The following SUGCT variants were observed in gnomAD, a reference collection of about 807,000 sequenced individuals.
SUGCT encodes succinyl-CoA:glutarate-CoA transferase, also known as succinyl-CoA:glutarate CoA-transferase.
A neutral mutation model predicts 55.0 loss-of-function variants in SUGCT; 41 were observed. The ratio of observed to expected loss-of-function variants is 0.74; its 90% CI spans 0.58 to 0.97. The LOEUF (loss-of-function observed/expected upper bound fraction) is 0.97, where lower values mean the gene tolerates loss of function less well. Among genes scored for constraint, SUGCT ranks in the 50% least tolerant of loss-of-function variants. The pLI, the probability that SUGCT is intolerant of heterozygous loss-of-function variation, is 0.00. For missense variants in SUGCT, 568 were observed against 547.8 expected (o/e 1.04, Z -0.37); for synonymous variants, 187 against 200.4 (o/e 0.93, Z 0.56).
At chr7:40,390,572 T>C (rs2151300309) in intron 9 of SUGCT, among the ~76,000 whole-genome samples, 1 of 152,166 alleles carries the variant, frequency 6.6e-6, no homozygotes, top group South Asian at 2.1e-4. Flanking sequence ...GGAATCCAAA[T>C]TACAAGGGAT....
chr7:40,723,034 A>G (rs1282003067), intron 12 of SUGCT, among the ~76,000 whole-genome samples: 3 of 152,170 alleles, frequency 2.0e-5, no homozygotes, highest in Admixed American at 6.6e-5. Flanking sequence ...CAGAGTTTTC[A>G]TGAACATTTT....
chr7:40,367,945 C>T (rs983508248), intron 9 of SUGCT, among the ~76,000 whole-genome samples: 1 of 152,124 alleles, frequency 6.6e-6, no homozygotes, highest in Non-Finnish European at 1.5e-5. Flanking sequence ...TCATGGCACT[C>T]CAGGCAAACC....
At chr7:40,530,523 T>C (rs1231856725) in intron 12 of SUGCT, among the ~76,000 whole-genome samples, 1 of 152,236 alleles carries the variant, frequency 6.6e-6, no homozygotes, top group Non-Finnish European at 1.5e-5. Flanking sequence ...TCAGTATGCA[T>C]GTTTCATGGG....
intron 13 of SUGCT, among the ~76,000 whole-genome samples, chr7:40,819,096 T>C (rs1791837785): frequency 6.6e-6 from 1 of 152,094 alleles, no homozygotes; most frequent in Non-Finnish European, 1.5e-5. Context: ...AATCCTTTTT[T>C]ATGGCTGCAT....
At chr7:40,724,379 C>T (rs371021732) in intron 12 of SUGCT, among the ~76,000 whole-genome samples, 32 of 151,728 alleles carry the variant, frequency 2.1e-4, no homozygotes, top group Middle Eastern at 6.8e-3. Context: ...TCCTGGCTAA[C>T]GTGGTGAAAC....
chr7:40,984,056 C>T, the SUGCT span, among the ~76,000 whole-genome samples: 1 of 152,036 alleles, frequency 6.6e-6, no homozygotes, highest in Non-Finnish European at 1.5e-5. Context: ...AGGTTCAGAG[C>T]CCCAGTGGAA....
rs373078317 is a variant in SUGCT, at chr7:40,274,632, T to C, written c.696T>C (p.Ile232=). 9 of 1,613,724 alleles carry C rather than the reference T, an allele frequency of 5.6e-6. No individual in the cohort carries two copies. In the East Asian group the frequency reaches 1.3e-4, roughly 24 times the overall value. The change falls in exon 8 of 14, where the codon ATT becomes ATC. Residue 232 remains isoleucine, a synonymous_variant. Coordinates refer to ENST00000335693, the MANE Select transcript of SUGCT (RefSeq NM_001193313.2). ...QKYKTGKGLF[I]DCNLLSSQVA... ...ACAAAACTGGGAAAGGACTGTTCAT[T>C]GATTGTAACCTACTGTCATCCCAGG...
At chr7:41,027,920 G>A in the SUGCT span, among the ~76,000 whole-genome samples, 2 of 152,182 alleles carry the variant, frequency 1.3e-5, no homozygotes, top group South Asian at 2.1e-4. Flanking sequence ...CCCAGCAGAC[G>A]CCATACCTTC....
chr7:40,430,959 A>C (rs976355326), intron 9 of SUGCT, among the ~76,000 whole-genome samples: 1 of 152,004 alleles, frequency 6.6e-6, no homozygotes, highest in Non-Finnish European at 1.5e-5. Flanking sequence ...TATTAAAATA[A>C]ATACAAAAAT....
intron 12 of SUGCT, among the ~76,000 whole-genome samples, chr7:40,690,722 A>C (rs555796720): frequency 1.3e-5 from 2 of 152,012 alleles, no homozygotes; most frequent in Non-Finnish European, 2.9e-5. Flanking sequence ...GCACGTGCCA[A>C]GATGCCTGAC....
the SUGCT span, chr7:40,965,469 A>C: frequency 2.6e-5 from 4 of 152,212 alleles, no homozygotes; most frequent in Non-Finnish European, 5.9e-5. Context: ...AGGCAGAGTT[A>C]TATATTAATA....
chr7:40,147,322 C>A (rs1332357255), intron 1 of SUGCT, among the ~76,000 whole-genome samples: 2 of 152,146 alleles, frequency 1.3e-5, no homozygotes, highest in East Asian at 1.9e-4. Context: ...TTCAACCCCC[C>A]CATCATGGGG....
intron 12 of SUGCT, among the ~76,000 whole-genome samples, chr7:40,548,877 A>C (rs1046358645): frequency 5.9e-5 from 9 of 152,112 alleles, no homozygotes; most frequent in African/African-American, 2.2e-4. Flanking sequence ...ATGTCTTCTT[A>C]TCTATTTATT....
At chr7:40,607,023 A>G (rs1320281112) in intron 12 of SUGCT, among the ~76,000 whole-genome samples, 1 of 152,150 alleles carries the variant, frequency 6.6e-6, no homozygotes, top group Non-Finnish European at 1.5e-5. Context: ...TGTAGAGATC[A>G]TGTTGTAAAA....
chr7:40,383,632 A>G (rs1784977629), intron 9 of SUGCT, among the ~76,000 whole-genome samples: 1 of 152,230 alleles, frequency 6.6e-6, no homozygotes, highest in Non-Finnish European at 1.5e-5. Context: ...AGATGTCAAT[A>G]GAAAAATATA....
chr7:40,802,157 A>G (rs1790853756), intron 13 of SUGCT, among the ~76,000 whole-genome samples: 1 of 152,226 alleles, frequency 6.6e-6, no homozygotes, highest in South Asian at 2.1e-4. Flanking sequence ...CTCACTGGGA[A>G]CATTATGGAA....
At chr7:40,358,448 C>T (rs575913216) in intron 9 of SUGCT, among the ~76,000 whole-genome samples, 4 of 152,296 alleles carry the variant, frequency 2.6e-5, no homozygotes, top group South Asian at 2.1e-4. Flanking sequence ...CGCAGTGGCT[C>T]ATGCCTGTAA....
the SUGCT span, among the ~76,000 whole-genome samples, chr7:40,949,709 G>A: frequency 6.6e-6 from 1 of 152,136 alleles, no homozygotes; most frequent in African/African-American, 2.4e-5. Flanking sequence ...TATTAAATAG[G>A]GAATCCTTTC....
chr7:40,171,822 G>A (rs1784684435), intron 1 of SUGCT, among the ~76,000 whole-genome samples: 1 of 152,206 alleles, frequency 6.6e-6, no homozygotes, highest in South Asian at 2.1e-4. Flanking sequence ...CTACGCCCTT[G>A]TTTACACTGA....
Sources: allele counts gnomAD v4.1 joint callset (sites outside exome capture counted in the v4.1 genomes callset), GRCh38; gene constraint gnomAD v4.1.1; transcripts MANE v1.5; gene names NCBI Gene and HGNC (gene_info 2026-07-23, HGNC 2026-07-21).